Variants in SUPT3H observed in about 807,000 individuals in gnomAD.
SUPT3H encodes transcription initiation protein SPT3 homolog.
Under a neutral mutation model 44.3 loss-of-function variants are expected in SUPT3H, and 44 were observed. That is an observed-to-expected ratio of 0.99 (90% CI 0.78 to 1.28). SUPT3H has a LOEUF of 1.28. SUPT3H is among the 50% of genes most tolerant of loss of function. SUPT3H has a pLI of 0.00. For synonymous variants in SUPT3H, 124 were observed against 125.6 expected, an observed-to-expected ratio of 0.99 and a Z score of 0.09; for missense variants, 380 against 387.1, an observed-to-expected ratio of 0.98 and a Z score of 0.15.
chr6:45,068,782 C>G (rs975389172), intron 3 of SUPT3H, among the ~76,000 whole-genome samples: 5 of 152,046 alleles, frequency 3.3e-5, no homozygotes, highest in African/African-American at 1.2e-4. Flanking sequence ...CCTCTTCAGT[C>G]TCAGTCTCCC....
At chr6:45,128,705 A>T (rs1353799238) in intron 2 of SUPT3H, among the ~76,000 whole-genome samples, 6 of 127,316 alleles carry the variant, frequency 4.7e-5, no homozygotes, top group Non-Finnish European at 3.2e-5. Context: ...TTTTTTTTTG[A>T]GACAGAGTCT....
intron 1 of SUPT3H, among the ~76,000 whole-genome samples, chr6:45,368,513 T>C (rs763128793): frequency 6.6e-6 from 1 of 152,136 alleles, no homozygotes; most frequent in Non-Finnish European, 1.5e-5. Context: ...TGCTACTGGG[T>C]TTCTAGTTAG....
At chr6:45,114,249 G>C (rs1183045076) in intron 2 of SUPT3H, among the ~76,000 whole-genome samples, 1 of 151,898 alleles carries the variant, frequency 6.6e-6, no homozygotes, top group Non-Finnish European at 1.5e-5. Flanking sequence ...CTGGTTCCTT[G>C]GAACATATCA....
chr6:44,935,875 T>C (rs1771321108), intron 9 of SUPT3H, among the ~76,000 whole-genome samples: 1 of 152,214 alleles, frequency 6.6e-6, no homozygotes, highest in South Asian at 2.1e-4. Flanking sequence ...ACTGAACCTT[T>C]TTCTCCCAAC....
intron 2 of SUPT3H, among the ~76,000 whole-genome samples, chr6:45,356,274 A>C (rs1437554354): frequency 6.6e-6 from 1 of 152,164 alleles, no homozygotes; most frequent in African/African-American, 2.4e-5. Context: ...AAAAGATGGC[A>C]TACTCATTTG....
At chr6:45,145,477 G>A (rs963814983) in intron 2 of SUPT3H, among the ~76,000 whole-genome samples, 4 of 152,118 alleles carry the variant, frequency 2.6e-5, no homozygotes, top group African/African-American at 7.2e-5. Context: ...GTAGAAGACT[G>A]AAGCTGGATC....
chr6:45,371,432 G>A (rs1308538833), intron 1 of SUPT3H, among the ~76,000 whole-genome samples: 4 of 146,696 alleles, frequency 2.7e-5, no homozygotes, highest in African/African-American at 1.0e-4. Context: ...TACAAGACAA[G>A]TATTCTCCCT....
intron 2 of SUPT3H, chr6:45,328,717 A>G (rs80053447): frequency 6.3e-7 from 1 of 1,598,776 alleles, no homozygotes; most frequent in South Asian, 1.1e-5. Context: ...TGAAAAAAAA[A>G]GGAGGGACTA....
chr6:45,138,960 C>T (rs2153588328), intron 2 of SUPT3H, among the ~76,000 whole-genome samples: 1 of 152,216 alleles, frequency 6.6e-6, no homozygotes, highest in East Asian at 1.9e-4. Context: ...CAGAGAATAG[C>T]ATCAAATCCC....
intron 2 of SUPT3H, among the ~76,000 whole-genome samples, chr6:45,263,083 C>A (rs1043759079): frequency 6.6e-6 from 1 of 152,086 alleles, no homozygotes; most frequent in African/African-American, 2.4e-5. Flanking sequence ...GGAGATTTCT[C>A]GAAGAAGTTA....
At chr6:45,325,359 C>G (rs1024539843) in intron 2 of SUPT3H, among the ~76,000 whole-genome samples, 2 of 151,720 alleles carry the variant, frequency 1.3e-5, no homozygotes, top group Non-Finnish European at 3.0e-5. Flanking sequence ...AAAAATTACT[C>G]AAATGGTTAC....
chr6:45,177,843 A>G (rs944010607), intron 2 of SUPT3H, among the ~76,000 whole-genome samples: 6 of 152,064 alleles, frequency 3.9e-5, no homozygotes, highest in African/African-American at 1.4e-4. Context: ...AAGGAGAAAT[A>G]AAATCCTTTA....
chr6:45,101,794 GATA>G (rs1279288423), intron 3 of SUPT3H, among the ~76,000 whole-genome samples: 1 of 151,810 alleles, frequency 6.6e-6, no homozygotes, highest in Non-Finnish European at 1.5e-5. Context: ...TATTAAAAAT[GATA>G]ATAAAAAACA....
chr6:45,188,377 T>A (rs1477799002), intron 2 of SUPT3H, among the ~76,000 whole-genome samples: 1 of 152,258 alleles, frequency 6.6e-6, no homozygotes, highest in African/African-American at 2.4e-5. Flanking sequence ...CTAGTTTTGC[T>A]GTCCCACCTC....
chr6:45,295,535 A>AC (rs1164298717), intron 2 of SUPT3H, among the ~76,000 whole-genome samples: 11 of 143,476 alleles, frequency 7.7e-5, no homozygotes, highest in African/African-American at 3.0e-4. Context: ...AAAAAAAAAA[A>AC]AAAAAAAAAA....
At chr6:45,302,603 G>A (rs1445950895) in intron 2 of SUPT3H, among the ~76,000 whole-genome samples, 1 of 147,234 alleles carries the variant, frequency 6.8e-6, no homozygotes, top group Admixed American at 6.9e-5. Context: ...GGGCATTTGG[G>A]CTGGTTCCAT....
intron 2 of SUPT3H, chr6:45,322,973 G>C (rs540552692): frequency 5.2e-5 from 83 of 1,595,594 alleles, no homozygotes; most frequent in Non-Finnish European, 6.6e-5. Flanking sequence ...AGTTTCTAAA[G>C]GAGAAAAAAC....
chr6:45,251,988 A>G (rs1308591793), intron 2 of SUPT3H, among the ~76,000 whole-genome samples: 2 of 152,190 alleles, frequency 1.3e-5, no homozygotes, highest in Admixed American at 6.5e-5. Flanking sequence ...AAATAAAGAA[A>G]AGGTCTTATA....
chr6:45,031,044 A>G (rs1176993585), intron 3 of SUPT3H, among the ~76,000 whole-genome samples: 1 of 152,190 alleles, frequency 6.6e-6, no homozygotes. Flanking sequence ...TTCCCAAACC[A>G]TCTTGACTTT....
Sources: allele counts gnomAD v4.1 joint callset (sites outside exome capture counted in the v4.1 genomes callset), GRCh38; gene constraint gnomAD v4.1.1; transcripts MANE v1.5; gene names NCBI Gene and HGNC (gene_info 2026-07-23, HGNC 2026-07-21).